Variants in EXOC2 observed in about 807,000 individuals in gnomAD.
EXOC2 encodes SEC5-like 1.
A neutral mutation model predicts 131.8 loss-of-function variants in EXOC2; 70 were observed. That is an observed-to-expected ratio of 0.53 (90% CI 0.44 to 0.65). EXOC2 has a LOEUF of 0.65. EXOC2 is among the 30% of genes least tolerant of loss of function. EXOC2 has a pLI of 0.00. For missense variants in EXOC2, 923 were observed against 1,108.6 expected, an observed-to-expected ratio of 0.83 and a Z score of 2.38; for synonymous variants, 411 against 398.4, an observed-to-expected ratio of 1.03 and a Z score of -0.38.
chr6:576,878 G>A lies in EXOC2; in HGVS notation c.1197C>T (p.Asn399=). The change falls in exon 12 of 28, where the codon AAC becomes AAT. Residue 399 remains asparagine (N), a synonymous_variant. Transcript: ENST00000230449. ...CCAACATGGGACTGTGCAGGCCTGG[G>A]TTACCTGGGGAAGAAAGGAGAGATA... ...KEGYVKDLKG[N]PGLHSPMLDL... The A allele has an allele frequency of 6.2e-7, 1 of 1,613,804 alleles. No homozygotes were observed. Among genetic ancestry groups the A allele is most frequent in the Non-Finnish European group, 8.5e-7 (1 of 1,179,876 alleles).
chr6:690,047 T>C (rs562207850), intron 1 of EXOC2, among the ~76,000 whole-genome samples: 1 of 152,296 alleles, frequency 6.6e-6, no homozygotes, highest in South Asian at 2.1e-4. Context: ...AAAATACCTT[T>C]TGACTCTGTG....
At chr6:508,164 C>T (rs1264827227) in intron 23 of EXOC2, among the ~76,000 whole-genome samples, 1 of 152,170 alleles carries the variant, frequency 6.6e-6, no homozygotes, top group African/African-American at 2.4e-5. Context: ...TTGAGTTTCA[C>T]AGCAAAACTG....
At chr6:487,271 G>C (rs1398882569) in intron 27 of EXOC2, among the ~76,000 whole-genome samples, 1 of 152,142 alleles carries the variant, frequency 6.6e-6, no homozygotes, top group African/African-American at 2.4e-5. Context: ...TGTATTAACA[G>C]GTATTAGAGA....
chr6:531,726 A>G (rs1488047752), intron 23 of EXOC2, among the ~76,000 whole-genome samples: 1 of 152,272 alleles, frequency 6.6e-6, no homozygotes. Context: ...TTATATCTGC[A>G]TATGTACACC....
At chr6:635,943 G>A (rs1762080915) in intron 2 of EXOC2, among the ~76,000 whole-genome samples, 1 of 152,212 alleles carries the variant, frequency 6.6e-6, no homozygotes, top group South Asian at 2.1e-4. Context: ...TGCGCCTGTA[G>A]TCCCAGCTAC....
chr6:658,666 T>TATATATATATATATATATA (rs1554146211), intron 1 of EXOC2, among the ~76,000 whole-genome samples: 25 of 65,922 alleles, frequency 3.8e-4, no homozygotes, highest in African/African-American at 1.0e-3. Context: ...TATATATATA[T>TATATATATATATATATATA]TTTTTTTTTT....
intron 4 of EXOC2, among the ~76,000 whole-genome samples, chr6:624,653 G>T (rs1385347255): frequency 6.6e-6 from 1 of 152,164 alleles, no homozygotes; most frequent in African/African-American, 2.4e-5. Flanking sequence ...AGAACCAGAG[G>T]GTTTTAGGTG....
chr6:678,392 T>C (rs973955323), intron 1 of EXOC2, among the ~76,000 whole-genome samples: 1 of 152,134 alleles, frequency 6.6e-6, no homozygotes, highest in Admixed American at 6.5e-5. Context: ...TCTGCAAACT[T>C]TAAAGGCCAA....
At chr6:579,436 A>G (rs1312841383) in intron 11 of EXOC2, among the ~76,000 whole-genome samples, 5 of 152,230 alleles carry the variant, frequency 3.3e-5, no homozygotes, top group Non-Finnish European at 7.3e-5. Context: ...CATTACCAGA[A>G]GTATAACACA....
chr6:669,811 A>G (rs1476575982), intron 1 of EXOC2: 2 of 152,164 alleles, frequency 1.3e-5, no homozygotes, highest in Non-Finnish European at 2.9e-5. Context: ...GACAGCATTA[A>G]CTCAGTGTGC....
chr6:629,471 C>T (rs1263282098), intron 4 of EXOC2, among the ~76,000 whole-genome samples: 2 of 152,150 alleles, frequency 1.3e-5, no homozygotes, highest in African/African-American at 4.8e-5. Context: ...CCTGGCTATT[C>T]TAAAATACTT....
intron 25 of EXOC2, among the ~76,000 whole-genome samples, chr6:496,546 C>T (rs1763753991): frequency 6.6e-6 from 1 of 152,040 alleles, no homozygotes; most frequent in Admixed American, 6.5e-5. Context: ...GCTCCAAAGC[C>T]TGTTTTTCAA....
chr6:568,252 C>T (rs960276740), intron 13 of EXOC2, among the ~76,000 whole-genome samples: 1 of 152,182 alleles, frequency 6.6e-6, no homozygotes, highest in Non-Finnish European at 1.5e-5. Context: ...GGATGGGCCT[C>T]GCTCAATCAG....
At chr6:551,482 G>C (rs1757140082) in intron 21 of EXOC2, among the ~76,000 whole-genome samples, 1 of 152,224 alleles carries the variant, frequency 6.6e-6, no homozygotes. Context: ...TGAGGTGCCT[G>C]GGGGGATAGC....
intron 1 of EXOC2, among the ~76,000 whole-genome samples, chr6:653,904 C>T (rs1762941403): frequency 6.6e-6 from 1 of 152,142 alleles, no homozygotes; most frequent in Non-Finnish European, 1.5e-5. Context: ...CAGTTGAAGC[C>T]AATGCTCACT....
intron 4 of EXOC2, among the ~76,000 whole-genome samples, chr6:620,618 G>A (rs529565097): frequency 6.6e-6 from 1 of 152,112 alleles, no homozygotes; most frequent in Non-Finnish European, 1.5e-5. Flanking sequence ...GGGTAGGTCC[G>A]ATGACTTTGG....
At chr6:645,328 A>T (rs1417624043) in intron 1 of EXOC2, among the ~76,000 whole-genome samples, 1 of 152,160 alleles carries the variant, frequency 6.6e-6, no homozygotes, top group Non-Finnish European at 1.5e-5. Flanking sequence ...CTAAAATTAT[A>T]AACTATAAAG....
At chr6:582,378 A>G (rs1291578504) in intron 11 of EXOC2, among the ~76,000 whole-genome samples, 1 of 152,146 alleles carries the variant, frequency 6.6e-6, no homozygotes, top group Non-Finnish European at 1.5e-5. Context: ...AAGTTTTCTC[A>G]CAGTCTACAA....
chr6:593,842 A>T (rs1320903256), intron 10 of EXOC2, among the ~76,000 whole-genome samples: 1 of 152,160 alleles, frequency 6.6e-6, no homozygotes, highest in Non-Finnish European at 1.5e-5. Context: ...AGTGTGTGTT[A>T]CTCAGGTATC....
Sources: gnomAD v4.1 joint callset for allele counts (sites outside exome capture counted in the v4.1 genomes callset) on GRCh38, gnomAD v4.1.1 for gene constraint, MANE v1.5 for transcripts, NCBI Gene and HGNC (gene_info 2026-07-23, HGNC 2026-07-21) for gene names.